CDH13: variants seen among roughly 807,000 people sequenced by gnomAD.
The protein encoded by CDH13 is cadherin-13.
A neutral mutation model predicts 63.8 loss-of-function variants in CDH13; 24 were observed. The ratio of observed to expected loss-of-function variants is 0.38; its 90% confidence interval spans 0.27 to 0.53. CDH13 has a LOEUF of 0.53. Ranked by LOEUF, CDH13 falls within the 20% of genes least tolerant of loss-of-function variation. The pLI is 0.85. For missense variants in CDH13, 1,049 were observed against 903.1 expected (o/e 1.16, Z -2.07); for synonymous variants, 503 against 355.3 (o/e 1.42, Z -4.67).
At chr16:83,370,115 C>T (rs1015208359) in intron 6 of CDH13, among the ~76,000 whole-genome samples, 1 of 152,158 alleles carries the variant, frequency 6.6e-6, no homozygotes. Context: ...TGGCTAGGCG[C>T]GGTGGCTCAC....
intron 7 of CDH13, among the ~76,000 whole-genome samples, chr16:83,491,587 T>G (rs961971539): frequency 6.6e-6 from 1 of 152,098 alleles, no homozygotes; most frequent in Non-Finnish European, 1.5e-5. Flanking sequence ...TTTTTTCTTT[T>G]TTAATGGAAA....
chr16:83,634,397 T>C (rs1911069448), intron 8 of CDH13, among the ~76,000 whole-genome samples: 1 of 144,602 alleles, frequency 6.9e-6, no homozygotes, highest in Non-Finnish European at 1.5e-5. Flanking sequence ...CTCTTTGATA[T>C]TAACTCTTTT....
chr16:83,057,092 A>T (rs571449216), intron 3 of CDH13, among the ~76,000 whole-genome samples: 2 of 151,998 alleles, frequency 1.3e-5, no homozygotes, highest in East Asian at 3.9e-4. Flanking sequence ...TCAGCCTCCT[A>T]AGTAGCTGGG....
At chr16:83,373,240 A>G (rs2091404149) in intron 6 of CDH13, among the ~76,000 whole-genome samples, 2 of 152,190 alleles carry the variant, frequency 1.3e-5, no homozygotes, top group South Asian at 4.1e-4. Flanking sequence ...CCTATTTTTA[A>G]AAGGGCCTAG....
intron 11 of CDH13, among the ~76,000 whole-genome samples, chr16:83,778,052 A>C (rs574640020): frequency 1.4e-4 from 22 of 152,344 alleles, no homozygotes; most frequent in African/African-American, 5.3e-4. Context: ...GAATAAGGCA[A>C]ATCTGTATAC....
intron 1 of CDH13, among the ~76,000 whole-genome samples, chr16:82,698,820 C>G (rs886132557): frequency 5.9e-5 from 9 of 152,210 alleles, no homozygotes; most frequent in African/African-American, 2.2e-4. Flanking sequence ...GGTTCACACA[C>G]ATTGCCTTTA....
chr16:83,649,307 C>T (rs564952338), intron 8 of CDH13, among the ~76,000 whole-genome samples: 1 of 152,196 alleles, frequency 6.6e-6, no homozygotes, highest in Non-Finnish European at 1.5e-5. Flanking sequence ...TATATTATTC[C>T]TTGATTGCAA....
intron 5 of CDH13, among the ~76,000 whole-genome samples, chr16:83,253,353 G>C (rs779291849): frequency 1.3e-5 from 2 of 152,188 alleles, no homozygotes; most frequent in Non-Finnish European, 2.9e-5. Context: ...AGAGCATTGC[G>C]TGAGTGTGGC....
intron 10 of CDH13, among the ~76,000 whole-genome samples, chr16:83,700,084 C>G (rs1418065131): frequency 6.6e-6 from 1 of 152,176 alleles, no homozygotes; most frequent in East Asian, 1.9e-4. Context: ...TCTGCCCCTC[C>G]TTTCCTTTAC....
At chr16:83,715,075 G>A (rs1908681017) in intron 10 of CDH13, among the ~76,000 whole-genome samples, 1 of 152,250 alleles carries the variant, frequency 6.6e-6, no homozygotes, top group South Asian at 2.1e-4. Flanking sequence ...ATCATTTAGA[G>A]TATTTCTTCA....
chr16:83,544,119 G>A (rs1373303587), intron 7 of CDH13, among the ~76,000 whole-genome samples: 1 of 152,202 alleles, frequency 6.6e-6, no homozygotes, highest in Non-Finnish European at 1.5e-5. Context: ...CCCTCTCACT[G>A]AATGTGAGAT....
At chr16:82,685,208 A>C (rs1374193678) in intron 1 of CDH13, among the ~76,000 whole-genome samples, 1 of 152,196 alleles carries the variant, frequency 6.6e-6, no homozygotes, top group Non-Finnish European at 1.5e-5. Context: ...GTGGCTTAAA[A>C]ACAATGAATG....
At chr16:82,979,217 T>C (rs1306962927) in intron 2 of CDH13, among the ~76,000 whole-genome samples, 1 of 152,194 alleles carries the variant, frequency 6.6e-6, no homozygotes, top group Non-Finnish European at 1.5e-5. Context: ...GGCTTTGGAT[T>C]TTACAGGCTT....
intron 5 of CDH13, among the ~76,000 whole-genome samples, chr16:83,270,899 C>G (rs139267985): frequency 2.4e-3 from 361 of 149,968 alleles, no homozygotes; most frequent in Non-Finnish European, 4.0e-3. Context: ...TCCCTTCCTC[C>G]CTCCTTTCCT....
At chr16:83,363,510 C>T (rs1445647337) in intron 6 of CDH13, among the ~76,000 whole-genome samples, 2 of 152,108 alleles carry the variant, frequency 1.3e-5, no homozygotes, top group East Asian at 3.9e-4. Flanking sequence ...CCAGCATTTC[C>T]CAAGCTTTTA....
At chr16:82,967,831 G>T (rs1908088654) in intron 2 of CDH13, among the ~76,000 whole-genome samples, 1 of 152,158 alleles carries the variant, frequency 6.6e-6, no homozygotes, top group Admixed American at 6.6e-5. Context: ...GTGTCTGCCA[G>T]GTTTCTCCTA....
At chr16:83,785,134 G>A (rs761609229) in intron 13 of CDH13, among the ~76,000 whole-genome samples, 1 of 152,200 alleles carries the variant, frequency 6.6e-6, no homozygotes, top group African/African-American at 2.4e-5. Context: ...TTGAGCAGGG[G>A]TGGTCCAGAG....
At chr16:83,011,302 C>T (rs139359299) in intron 2 of CDH13, among the ~76,000 whole-genome samples, 16 of 152,216 alleles carry the variant, frequency 1.1e-4, no homozygotes, top group South Asian at 4.1e-4. Flanking sequence ...AAAATGATGA[C>T]GTCATGCTTG....
At chr16:83,601,665 T>C (rs111842246) in intron 7 of CDH13, among the ~76,000 whole-genome samples, 25 of 152,332 alleles carry the variant, frequency 1.6e-4, no homozygotes, top group African/African-American at 6.0e-4. Context: ...ATGCAATGCC[T>C]GCCTCATCAG....
Sources: gnomAD v4.1 joint callset for allele counts (sites outside exome capture counted in the v4.1 genomes callset) on GRCh38, gnomAD v4.1.1 for gene constraint, MANE v1.5 for transcripts, NCBI Gene and HGNC (gene_info 2026-07-23, HGNC 2026-07-21) for gene names.